Variants in ZNF415 observed in about 807,000 individuals in gnomAD.
ZNF415 encodes zinc finger protein 415.
ZNF415 carries 5 observed loss-of-function variants against 7.3 expected under a neutral mutation model. The ratio of observed to expected loss-of-function variants is 0.69; its 90% CI spans 0.36 to 1.44. The LOEUF (loss-of-function observed/expected upper bound fraction) is 1.44. ZNF415 is among the 40% of genes most tolerant of loss of function. The probability of loss-of-function intolerance (pLI) is 0.04; values close to 1 mark genes in which losing one functional copy is unlikely to be tolerated. For missense variants in ZNF415, 628 were observed against 664.8 expected, an observed-to-expected ratio of 0.94 and a Z score of 0.61; for synonymous variants, 207 against 226.3, an observed-to-expected ratio of 0.91 and a Z score of 0.77.
chr19:53,121,856 GAT>G (rs1601207551), intron 2 of ZNF415, among the ~76,000 whole-genome samples: 1 of 152,122 alleles, frequency 6.6e-6, no homozygotes, highest in Non-Finnish European at 1.5e-5. Context: ...GAGACATACT[GAT>G]ATACTAGTTT....
At chr19:53,129,671 G>A in intron 1 of ZNF415, 1 of 399,110 alleles carries the variant, frequency 2.5e-6, no homozygotes. Context: ...ATCCTGAGAG[G>A]TCTGAGTTGA....
intron 2 of ZNF415, among the ~76,000 whole-genome samples, chr19:53,120,547 T>C (rs2087832668): frequency 6.6e-6 from 1 of 152,126 alleles, no homozygotes; most frequent in South Asian, 2.1e-4. Flanking sequence ...ATCTAAGCAC[T>C]AAATATCTCT....
intron 2 of ZNF415, among the ~76,000 whole-genome samples, chr19:53,120,658 T>C (rs867541011): frequency 2.2e-4 from 34 of 152,212 alleles, no homozygotes; most frequent in African/African-American, 7.5e-4. Flanking sequence ...AATATGGATA[T>C]ATCCTCTTTA....
intron 3 of ZNF415, chr19:53,115,849 G>A: frequency 6.8e-7 from 1 of 1,468,030 alleles, no homozygotes; most frequent in East Asian, 2.5e-5. Flanking sequence ...TAAAATGAAT[G>A]GAACATGATG....
intron 2 of ZNF415, among the ~76,000 whole-genome samples, chr19:53,117,239 C>T (rs946782283): frequency 4.1e-4 from 62 of 152,092 alleles, no homozygotes; most frequent in African/African-American, 1.5e-3. Flanking sequence ...GTTGGGAGGT[C>T]GAGACCAGTC....
rs560930207 is a variant in ZNF415, at chr19:53,126,445, T to A, written c.-67-3702A>T. ...TCTAAGATTTCTCACTTGGCAATGATGTTGGCTTGAATATTATTCACAGAC... is the reference window on the plus strand; with the variant it reads ...TCTAAGATTTCTCACTTGGCAATGAAGTTGGCTTGAATATTATTCACAGAC... On this transcript the variant is annotated intron_variant, in intron 1 of 3. Coordinates refer to ENST00000243643, the MANE Select transcript of ZNF415 (RefSeq NM_018355.4). Among the ~76,000 whole-genome samples the A allele has an allele frequency of 2.0e-4, 29 of 146,522 alleles. No individual in the cohort carries two copies. In the Admixed American group the frequency reaches 2.1e-3, roughly 10 times the overall value.
Position 53,112,100 on chromosome 19 carries a change from C to A in ZNF415, c.137-2192G>T, listed in dbSNP as rs552438934. Among the ~76,000 whole-genome samples, 7 of 152,196 alleles carry A rather than the reference C, an allele frequency of 4.6e-5. No individual in the cohort carries two copies. The East Asian group carries it at 1.4e-3, about 30-fold the overall frequency. On this transcript the variant is annotated intron_variant, in intron 3 of 3. Transcript: ENST00000243643. ...GAGATTACAGGCACCTGCCACCATG[C>A]CCGGCTACTTTTTTTGTATTTTTAG...
intron 3 of ZNF415, chr19:53,115,789 G>C: frequency 1.9e-6 from 3 of 1,550,282 alleles, no homozygotes. Flanking sequence ...GCTCTTTCCT[G>C]TGCTCCCACA....
chr19:53,116,610 TCTC>T (rs796930250), intron 2 of ZNF415, among the ~76,000 whole-genome samples, 177 bp from the exon 3 acceptor site: 8 of 77,448 alleles, frequency 1.0e-4, no homozygotes, highest in African/African-American at 4.8e-4. Flanking sequence ...GTTTTTTTTC[TCTC>T]TTTTTTTTTT....
In ZNF415 at chr19:53,108,472, T is replaced by C; in HGVS notation, c.1573A>G (p.Lys525Glu). The change falls in exon 4 of 4, where the codon AAA becomes GAA. Residue 525 changes from lysine to glutamate, a missense_variant. Physicochemically the swap from Lys to Glu is moderately conservative, Grantham distance 56. Transcript: ENST00000243643. The part of the protein sequence containing the change: ...QIIHTGKKPY[K>E]CSDCGKSFSV... The stretch of plus-strand genomic sequence containing the variant: ...AAGGACTTCCCACAATCACTACATT[T>C]GTAAGGTTTCTTTCCAGTATGGATT... The C allele has an allele frequency of 1.9e-6, 3 of 1,614,216 alleles. No homozygotes were observed. The highest frequency in any genetic ancestry group is 2.5e-6 in the Non-Finnish European group (3 of 1,180,028).
chr19:53,116,132 T>C (rs1349179890), intron 3 of ZNF415, 181 bp downstream of exon 3: 2 of 724,990 alleles, frequency 2.8e-6, no homozygotes, highest in Non-Finnish European at 4.5e-6. Flanking sequence ...CATGAAGGGG[T>C]CAGAAAATCT....
chr19:53,118,529 A>G (rs1392946484), intron 2 of ZNF415, among the ~76,000 whole-genome samples: 1 of 152,218 alleles, frequency 6.6e-6, no homozygotes, highest in Non-Finnish European at 1.5e-5. Context: ...ATTCTCCAAG[A>G]CAGACTACAT....
intron 3 of ZNF415, 97 bp downstream of exon 3, chr19:53,116,216 C>A (rs1287267588): frequency 4.3e-6 from 6 of 1,405,958 alleles, no homozygotes; most frequent in Non-Finnish European, 5.8e-6. Context: ...AGGCCTCAAA[C>A]TCAGTCAGGT....
At chr19:53,121,994 C>A (rs2088159089) in intron 2 of ZNF415, among the ~76,000 whole-genome samples, 1 of 151,900 alleles carries the variant, frequency 6.6e-6, no homozygotes, top group Admixed American at 6.6e-5. Flanking sequence ...TGCCTGTAAT[C>A]CCAGCACTTT....
At chr19:53,109,982 A>C in intron 3 of ZNF415, 74 bp from the exon 4 acceptor site, 1 of 1,250,782 alleles carries the variant, frequency 8.0e-7, no homozygotes, top group Middle Eastern at 2.0e-4. Context: ...GAATAACAGA[A>C]TTACACAAAA....
chr19:53,116,354 C>T lies in ZNF415; in HGVS notation c.95G>A (p.Arg32Lys). The change falls in exon 3 of 4, where the codon AGG becomes AAG. Residue 32 changes from arginine to lysine, a missense_variant. Transcript: ENST00000243643. ...CLNSTQRTLY[R>K]DVMLENYRNL... The stretch of plus-strand genomic sequence containing the variant: ...CCTGTAGTTCTCCAACATCACATCC[C>T]TGTATAAAGTCCTCTGTGTAGAGTT... 6.2e-7 allele frequency: 1 copy of T among 1,613,328 alleles called. No individual in the cohort carries two copies.
intron 3 of ZNF415, among the ~76,000 whole-genome samples, chr19:53,111,340 C>CTT (rs61112807): frequency 0.39 from 41,004 of 104,912 alleles, 8,582 homozygotes; most frequent in East Asian, 0.53. Flanking sequence ...TATGATATTT[C>CTT]TTTTTTTTTT....
intron 2 of ZNF415, among the ~76,000 whole-genome samples, chr19:53,116,702 A>G (rs2087114634): frequency 6.6e-6 from 1 of 150,964 alleles, no homozygotes; most frequent in Admixed American, 6.6e-5. Flanking sequence ...TGCAGACTCA[A>G]TCTCCCAGGT....
In ZNF415 at chr19:53,108,960, C is replaced by T. The variant is rs1338429328; in HGVS notation, c.1085G>A (p.Gly362Asp). The change falls in exon 4 of 4, where the codon GGC (glycine) becomes GAC (aspartate). Residue 362 changes from glycine (G) to aspartate (D), a missense_variant. Transcript: ENST00000243643. ...GCTTGAAGTCTGACTGAACACCTTG[C>T]CACATTCATTGCATTTGTAAGGTTT... ...GKKPYKCNEC[G>D]KVFSQTSSLA... The T allele has an allele frequency of 2.5e-6, 4 of 1,614,100 alleles. No individual in the cohort carries two copies. In the South Asian group the frequency reaches 4.4e-5, roughly 18 times the overall value.
Sources: allele counts gnomAD v4.1 joint callset (sites outside exome capture counted in the v4.1 genomes callset), GRCh38; gene constraint gnomAD v4.1.1; transcripts MANE v1.5; gene names NCBI Gene and HGNC (gene_info 2026-07-23, HGNC 2026-07-21).